NKAIN2: variants seen among roughly 807,000 people sequenced by gnomAD.
NKAIN2 encodes sodium/potassium transporting ATPase interacting 2.
NKAIN2 carries 14 observed loss-of-function variants against 32.6 expected under a neutral mutation model. That is an observed-to-expected ratio of 0.43 (90% CI 0.28 to 0.67). NKAIN2 has a LOEUF of 0.67. NKAIN2 is among the 30% of genes least tolerant of loss of function. The probability of loss-of-function intolerance (pLI) is 0.17; values close to 1 mark genes in which losing one functional copy is unlikely to be tolerated. For missense variants in NKAIN2, 198 were observed against 258.3 expected (o/e 0.77, Z 1.60); for synonymous variants, 80 against 87.2 (o/e 0.92, Z 0.46).
chr6:124,014,398 C>T (rs1403778879), intron 1 of NKAIN2, among the ~76,000 whole-genome samples: 1 of 151,922 alleles, frequency 6.6e-6, no homozygotes, highest in African/African-American at 2.4e-5. Context: ...CTTTCTATGT[C>T]AATATATATA....
chr6:124,714,633 G>A (rs546201905), intron 4 of NKAIN2, among the ~76,000 whole-genome samples: 7 of 152,270 alleles, frequency 4.6e-5, no homozygotes, highest in South Asian at 2.1e-4. Context: ...GAGAAGTTTC[G>A]CAGGCCGTCT....
At chr6:124,791,499 C>T in intron 5 of NKAIN2, 100 bp downstream of exon 5, 1 of 707,202 alleles carries the variant, frequency 1.4e-6, no homozygotes, top group Non-Finnish European at 2.4e-6. Context: ...TCCTACAACA[C>T]AGCATTAGAA....
intron 3 of NKAIN2, among the ~76,000 whole-genome samples, chr6:124,414,566 T>A (rs1774374541): frequency 6.6e-6 from 1 of 152,198 alleles, no homozygotes; most frequent in South Asian, 2.1e-4. Flanking sequence ...TAAGACTGTT[T>A]ATGGGATTGG....
At chr6:124,398,013 G>A (rs1044238053) in intron 3 of NKAIN2, among the ~76,000 whole-genome samples, 2 of 151,860 alleles carry the variant, frequency 1.3e-5, no homozygotes, top group African/African-American at 4.8e-5. Context: ...CAGCACTTTG[G>A]GAGGCCGAGG....
intron 1 of NKAIN2, among the ~76,000 whole-genome samples, chr6:123,974,021 GA>G (rs957536192): frequency 2.6e-5 from 4 of 151,962 alleles, no homozygotes; most frequent in Non-Finnish European, 5.9e-5. Context: ...ATTTTAAGAA[GA>G]AAGAAAAGTG....
intron 1 of NKAIN2, among the ~76,000 whole-genome samples, chr6:124,218,653 C>T (rs1246237196): frequency 2.0e-5 from 3 of 152,102 alleles, no homozygotes; most frequent in African/African-American, 7.2e-5. Flanking sequence ...AGTGAGTTTA[C>T]TCATTGTTTT....
At chr6:123,979,958 C>T (rs1279736069) in intron 1 of NKAIN2, among the ~76,000 whole-genome samples, 2 of 152,040 alleles carry the variant, frequency 1.3e-5, no homozygotes, top group Non-Finnish European at 2.9e-5. Flanking sequence ...CGTTAGTCAA[C>T]ATTATGATAC....
chr6:124,008,514 T>A (rs371345147), intron 1 of NKAIN2, among the ~76,000 whole-genome samples: 3 of 151,872 alleles, frequency 2.0e-5, no homozygotes, highest in African/African-American at 7.3e-5. Context: ...TAAAAGGAAA[T>A]GGCATGTGTG....
chr6:124,727,744 T>C (rs1776407826), intron 4 of NKAIN2, among the ~76,000 whole-genome samples: 1 of 141,390 alleles, frequency 7.1e-6, no homozygotes, highest in South Asian at 2.4e-4. Context: ...AATGCTCCAA[T>C]TAAAAGACAC....
At chr6:124,508,529 G>A (rs1002057344) in intron 3 of NKAIN2, among the ~76,000 whole-genome samples, 1 of 151,580 alleles carries the variant, frequency 6.6e-6, no homozygotes, top group Non-Finnish European at 1.5e-5. Context: ...ATTTTTAGTA[G>A]AGATGGGGTT....
intron 5 of NKAIN2, among the ~76,000 whole-genome samples, chr6:124,808,450 C>G (rs566620179): frequency 6.6e-6 from 1 of 152,304 alleles, no homozygotes; most frequent in Admixed American, 6.5e-5. Flanking sequence ...ATGCTAAAAA[C>G]TCTCAATAAG....
chr6:123,895,299 T>C (rs1347456303), intron 1 of NKAIN2, among the ~76,000 whole-genome samples: 1 of 151,904 alleles, frequency 6.6e-6, no homozygotes, highest in Non-Finnish European at 1.5e-5. Context: ...TGCCCATAGA[T>C]TTCATTGTTT....
intron 1 of NKAIN2, among the ~76,000 whole-genome samples, chr6:124,087,321 T>C (rs2114919985): frequency 6.6e-6 from 1 of 152,042 alleles, no homozygotes; most frequent in Admixed American, 6.6e-5. Context: ...AACAACATAC[T>C]TAATGTTGAG....
At chr6:124,405,537 CTTT>C (rs200131120) in intron 3 of NKAIN2, among the ~76,000 whole-genome samples, 3 of 139,348 alleles carry the variant, frequency 2.2e-5, no homozygotes, top group African/African-American at 2.6e-5. Flanking sequence ...TTTGTTTTGT[CTTT>C]TTTTTTTTTT....
intron 1 of NKAIN2, among the ~76,000 whole-genome samples, chr6:124,060,673 A>G (rs1782881023): frequency 6.6e-6 from 1 of 152,206 alleles, no homozygotes; most frequent in African/African-American, 2.4e-5. Context: ...ATTGCATGAA[A>G]GGATAACTTT....
intron 1 of NKAIN2, among the ~76,000 whole-genome samples, chr6:124,149,325 A>G (rs373830791): frequency 6.6e-6 from 1 of 152,132 alleles, no homozygotes; most frequent in Non-Finnish European, 1.5e-5. Context: ...TGTCACATGT[A>G]CTTTTAGTGC....
chr6:124,607,663 C>A (rs1316269479), intron 3 of NKAIN2, among the ~76,000 whole-genome samples: 4 of 152,024 alleles, frequency 2.6e-5, no homozygotes, highest in African/African-American at 4.8e-5. Flanking sequence ...GTTATACACA[C>A]ACACAAACAT....
chr6:123,976,603 C>T (rs2114653532), intron 1 of NKAIN2, among the ~76,000 whole-genome samples: 2 of 151,366 alleles, frequency 1.3e-5, no homozygotes, highest in South Asian at 4.2e-4. Context: ...GGCCCATCCA[C>T]ATAATGGAGG....
chr6:124,816,114 G>T (rs1256673492), intron 5 of NKAIN2, among the ~76,000 whole-genome samples: 1 of 152,120 alleles, frequency 6.6e-6, no homozygotes, highest in African/African-American at 2.4e-5. Flanking sequence ...AAAAAGAAAT[G>T]CAGTATCAAG....
Sources: allele counts gnomAD v4.1 joint callset (sites outside exome capture counted in the v4.1 genomes callset), GRCh38; gene constraint gnomAD v4.1.1; transcripts MANE v1.5; gene names NCBI Gene and HGNC (gene_info 2026-07-23, HGNC 2026-07-21).